MICAL2: variants seen among roughly 807,000 people sequenced by gnomAD.
The protein encoded by MICAL2 is [F-actin]-monooxygenase MICAL2.
In MICAL2, 77 loss-of-function variants were observed where a neutral mutation model predicts 127.3. That is an observed-to-expected ratio of 0.60 (90% CI 0.50 to 0.73). The LOEUF is 0.73. MICAL2 is among the 30% of genes least tolerant of loss of function. MICAL2 has a pLI of 0.00. For synonymous variants in MICAL2, 570 were observed against 551.1 expected, an observed-to-expected ratio of 1.03 and a Z score of -0.48; for missense variants, 1,351 against 1,434.4, an observed-to-expected ratio of 0.94 and a Z score of 0.94.
At chr11:12,211,452 A>G (rs1190121423) in intron 6 of MICAL2, among the ~76,000 whole-genome samples, 1 of 152,230 alleles carries the variant, frequency 6.6e-6, no homozygotes, top group Non-Finnish European at 1.5e-5. Flanking sequence ...GATGAGTGAG[A>G]ATCAGCATGA....
chr11:12,335,485 T>C (rs1160374621), intron 32 of MICAL2, among the ~76,000 whole-genome samples: 8 of 152,104 alleles, frequency 5.3e-5, no homozygotes, highest in Non-Finnish European at 1.0e-4. Context: ...ATTTTGGCTT[T>C]TGTTGCCATT....
At chr11:12,127,506 A>C (rs1851039305) in intron 1 of MICAL2, among the ~76,000 whole-genome samples, 1 of 152,190 alleles carries the variant, frequency 6.6e-6, no homozygotes, top group African/African-American at 2.4e-5. Flanking sequence ...AAATCAAAGC[A>C]GGGAAGGAGA....
chr11:12,138,179 A>G (rs1262513963), intron 1 of MICAL2, among the ~76,000 whole-genome samples: 1 of 152,142 alleles, frequency 6.6e-6, no homozygotes, highest in Non-Finnish European at 1.5e-5. Flanking sequence ...AGCCAACAAT[A>G]GAATTTGTTT....
intron 3 of MICAL2, among the ~76,000 whole-genome samples, chr11:12,166,503 GTGTCAGGCATT>G (rs1183509800): frequency 6.6e-6 from 1 of 152,214 alleles, no homozygotes; most frequent in African/African-American, 2.4e-5. Flanking sequence ...CAGCTACTAT[GTGTCAGGCATT>G]TGTCTAGCTA....
intron 29 of MICAL2, among the ~76,000 whole-genome samples, chr11:12,310,781 C>T (rs984911535): frequency 1.1e-4 from 17 of 151,918 alleles, no homozygotes; most frequent in African/African-American, 2.7e-4. Flanking sequence ...GACATTTTAA[C>T]GATATTCTTC....
chr11:12,181,730 T>G (rs928858492), intron 3 of MICAL2, among the ~76,000 whole-genome samples: 1 of 152,242 alleles, frequency 6.6e-6, no homozygotes. Flanking sequence ...CCTGCAACAT[T>G]AAAACATTCA....
chr11:12,303,295 G>A (rs10741580), intron 29 of MICAL2, among the ~76,000 whole-genome samples: 62,305 of 151,670 alleles, frequency 0.41, 13,787 homozygotes, highest in African/African-American at 0.57. Flanking sequence ...AGGTCATGTA[G>A]ATGTTCTCGC....
chr11:12,174,875 C>T (rs901746593), intron 3 of MICAL2, among the ~76,000 whole-genome samples: 1 of 152,246 alleles, frequency 6.6e-6, no homozygotes, highest in East Asian at 1.9e-4. Flanking sequence ...ACTCCCAGTG[C>T]TTTGGGAGGC....
rs1855745858 is a variant in MICAL2 at position 12,213,292 on chromosome 11, T to C, written c.729T>C (p.Ile243=). The change falls in exon 7 of 28, where the codon ATT becomes ATC. Residue 243 remains isoleucine, a synonymous_variant. Transcript: ENST00000683283. The stretch of plus-strand genomic sequence containing the variant: ...AAGAATTCCGTGGGAAGCTGGCGAT[T>C]GCCATCACCGCCAACTTCATAAACA... ...RRKEFRGKLA[I]AITANFINRN... is the part of the protein sequence containing the mutation. 1.2e-6 allele frequency: 2 copies of C among 1,613,190 alleles called. No homozygotes were observed. The highest frequency in any genetic ancestry group is 2.7e-5 in the African/African-American group (2 of 74,914).
intron 24 of MICAL2, among the ~76,000 whole-genome samples, chr11:12,257,743 A>G (rs1476476571): frequency 2.0e-5 from 3 of 152,216 alleles, no homozygotes; most frequent in Non-Finnish European, 4.4e-5. Context: ...TCATAGCATC[A>G]TGCCTGGCAT....
chr11:12,246,374 T>C (rs1860741936), intron 21 of MICAL2, among the ~76,000 whole-genome samples: 1 of 152,234 alleles, frequency 6.6e-6, no homozygotes. Flanking sequence ...AGGCCATTGC[T>C]GATCTGGTCT....
At chr11:12,334,119 G>A (rs373427913) in intron 32 of MICAL2, among the ~76,000 whole-genome samples, 1 of 152,076 alleles carries the variant, frequency 6.6e-6, no homozygotes, top group South Asian at 2.1e-4. Context: ...ATACTATAAA[G>A]GAAATGAAAA....
intron 2 of MICAL2, among the ~76,000 whole-genome samples, chr11:12,157,434 C>T (rs191996268): frequency 1.3e-5 from 2 of 152,234 alleles, no homozygotes; most frequent in Admixed American, 6.5e-5. Context: ...AAGGAAGTTG[C>T]TTTGTGACTC....
chr11:12,259,046 A>G (rs1214095137), intron 25 of MICAL2, among the ~76,000 whole-genome samples: 1 of 152,230 alleles, frequency 6.6e-6, no homozygotes, highest in Admixed American at 6.5e-5. Context: ...CTTAGCAAAT[A>G]TCTTCTCTCG....
chr11:12,286,890 A>G (rs934064633), intron 2 of MICAL2: 3 of 370,760 alleles, frequency 8.1e-6, no homozygotes, highest in Non-Finnish European at 1.4e-5. Flanking sequence ...TTGATGTGTG[A>G]ACAAATGAAA....
At chr11:12,308,915 C>G (rs984949072) in intron 29 of MICAL2, among the ~76,000 whole-genome samples, 1 of 152,226 alleles carries the variant, frequency 6.6e-6, no homozygotes, top group African/African-American at 2.4e-5. Context: ...TCCTAGCTTG[C>G]TATGAGTTTT....
At chr11:12,340,854 G>C (rs902082731) in intron 32 of MICAL2, among the ~76,000 whole-genome samples, 1 of 152,144 alleles carries the variant, frequency 6.6e-6, no homozygotes, top group African/African-American at 2.4e-5. Flanking sequence ...AGAATATACA[G>C]ATTAAAACAA....
intron 18 of MICAL2, among the ~76,000 whole-genome samples, 197 bp from the exon 19 acceptor site, chr11:12,242,017 C>T (rs1860036343): frequency 1.3e-5 from 2 of 152,010 alleles, no homozygotes; most frequent in Admixed American, 1.3e-4. Context: ...AGGCCCCAGA[C>T]TGTGTATTGT....
intron 32 of MICAL2, among the ~76,000 whole-genome samples, chr11:12,333,128 G>C (rs1938679371): frequency 6.6e-6 from 1 of 152,044 alleles, no homozygotes; most frequent in Non-Finnish European, 1.5e-5. Context: ...ACAGAAGACA[G>C]AAATAAAGAA....
Sources: allele counts gnomAD v4.1 joint callset (sites outside exome capture counted in the v4.1 genomes callset), GRCh38; gene constraint gnomAD v4.1.1; transcripts MANE v1.5; gene names NCBI Gene and HGNC (gene_info 2026-07-23, HGNC 2026-07-21).